Variants in SAMD3 observed in about 807,000 individuals in gnomAD.
SAMD3 encodes sterile alpha motif domain containing 3, also known as sterile alpha motif domain-containing protein 3.
Under a neutral mutation model 58.5 loss-of-function variants are expected in SAMD3, and 63 were observed. The observed-to-expected ratio is 1.08, with a 90% CI of 0.88 to 1.33. The LOEUF is 1.33. SAMD3 is among the 40% of genes most tolerant of loss of function. The probability of loss-of-function intolerance (pLI) is 0.00; values close to 1 mark genes in which losing one functional copy is unlikely to be tolerated. For synonymous variants in SAMD3, 220 were observed against 210.3 expected (o/e 1.05, Z -0.40); for missense variants, 604 against 608.4 (o/e 0.99, Z 0.08).
chr6:130,213,657 GA>G (rs919589167), intron 4 of SAMD3, among the ~76,000 whole-genome samples: 2 of 152,080 alleles, frequency 1.3e-5, no homozygotes, highest in Non-Finnish European at 2.9e-5. Flanking sequence ...TGTGTAAAAT[GA>G]AATTTTTAAT....
intron 2 of SAMD3, among the ~76,000 whole-genome samples, chr6:130,245,845 A>T (rs1562478544): frequency 6.6e-6 from 1 of 151,596 alleles, no homozygotes; most frequent in African/African-American, 2.4e-5. Flanking sequence ...GTACTGCAAC[A>T]TTTTTTTTTC....
chr6:130,236,681 C>T (rs192788577), intron 2 of SAMD3, among the ~76,000 whole-genome samples: 135 of 152,286 alleles, frequency 8.9e-4, no homozygotes, highest in African/African-American at 3.2e-3. Flanking sequence ...TGCACCAGGC[C>T]ATGATTGACT....
intron 2 of SAMD3, among the ~76,000 whole-genome samples, chr6:130,292,496 G>T (rs1293595405): frequency 6.6e-6 from 1 of 151,434 alleles, no homozygotes; most frequent in Non-Finnish European, 1.5e-5. Context: ...CCTGTTGGCC[G>T]GGCTGGTCTC....
chr6:130,226,035 CTATCCA>C (rs1796373944), upstream of SAMD3, among the ~76,000 whole-genome samples: 9 of 152,330 alleles, frequency 5.9e-5, 1 homozygote, highest in African/African-American at 2.2e-4. Flanking sequence ...GTACAGTCTT[CTATCCA>C]CTGTTGCAGA....
upstream of SAMD3, among the ~76,000 whole-genome samples, chr6:130,223,623 G>A (rs1796299419): frequency 6.6e-6 from 1 of 152,320 alleles, no homozygotes; most frequent in African/African-American, 2.4e-5. Context: ...GGGATGCAAG[G>A]TAGTGGATCT....
At position 130,175,175 on chromosome 6, in the gene SAMD3, T is replaced by G. The variant is rs577491239; in HGVS notation, c.822+666A>C. ...TAGTTCAGACATCCTTGTTAAAGAG[T>G]TCAATCTACTTTGATAGCAGGGGAA... On this transcript the variant is annotated intron_variant, in intron 8 of 11. Transcript: ENST00000439090. Among the ~76,000 whole-genome samples, 8 of 152,228 alleles carry G rather than the reference T, an allele frequency of 5.3e-5. No individual in the cohort carries two copies. The South Asian group carries it at 1.7e-3, about 32-fold the overall frequency.
At chr6:130,189,930 T>G (rs927500916) in intron 5 of SAMD3, among the ~76,000 whole-genome samples, 13 of 152,340 alleles carry the variant, frequency 8.5e-5, no homozygotes, top group African/African-American at 3.1e-4. Context: ...AAGGCAGGCC[T>G]CATGCTGTGC....
intron 7 of SAMD3, among the ~76,000 whole-genome samples, chr6:130,177,236 T>A (rs1180204641): frequency 2.0e-5 from 3 of 152,128 alleles, no homozygotes; most frequent in African/African-American, 7.2e-5. Context: ...TTCGGGAGAT[T>A]GGAATGGAGC....
At chr6:130,244,399 G>A (rs138426551) in intron 2 of SAMD3, among the ~76,000 whole-genome samples, 84 of 152,130 alleles carry the variant, frequency 5.5e-4, no homozygotes, top group African/African-American at 1.8e-3. Context: ...TGCAATCTCC[G>A]GTAAAGTACT....
In SAMD3 at chr6:130,308,129, G is replaced by A. The variant is rs9375712; in HGVS notation, c.-188+4849C>T. ...TCTCTGAACAAACAAGCTTTTGTTT[G>A]ACCTTTACTTTATTTGTTTGGGTTT... is the stretch of plus-strand genomic sequence containing the variant. On this transcript the variant is annotated intron_variant, in intron 2 of 13. Coordinates refer to the SAMD3 transcript ENST00000368134. Among the ~76,000 whole-genome samples, 6 of 152,150 alleles carry A rather than the reference G, an allele frequency of 3.9e-5. No individual in the cohort carries two copies. In the East Asian group the frequency reaches 1.2e-3, roughly 29 times the overall value.
rs528270255 is a variant in SAMD3 at position 130,281,302 on chromosome 6, G to C, written c.-188+31676C>G. On this transcript the variant is annotated intron_variant, in intron 2 of 13. Coordinates refer to the SAMD3 transcript ENST00000368134. ...CTTCAAACTGTTAGAGAAATGAAAA[G>C]TCTCTTGCTTACTGATTTTATAGTA... Among the ~76,000 whole-genome samples the C allele has an allele frequency of 1.9e-3, 285 of 152,312 alleles. 1 individual carries two copies. Among genetic ancestry groups the C allele is most frequent in the Middle Eastern group, 0.01 (3 of 294 alleles).
chr6:130,152,537 C>T (rs1276680892), intron 9 of SAMD3, among the ~76,000 whole-genome samples: 5 of 152,012 alleles, frequency 3.3e-5, no homozygotes, highest in South Asian at 2.1e-4. Context: ...ATTAGCCAGG[C>T]GTGGTGGCGT....
At chr6:130,284,621 T>C (rs944420993) in intron 2 of SAMD3, among the ~76,000 whole-genome samples, 1 of 152,166 alleles carries the variant, frequency 6.6e-6, no homozygotes, top group Non-Finnish European at 1.5e-5. Context: ...AAATTGTCTT[T>C]ATAAGGGAAC....
At chr6:130,340,885 A>G (rs57760731) in intron 1 of SAMD3, among the ~76,000 whole-genome samples, 2 of 152,088 alleles carry the variant, frequency 1.3e-5, no homozygotes, top group Non-Finnish European at 2.9e-5. Flanking sequence ...TTTCTTAAAC[A>G]TTTTTGTTTA....
intron 4 of SAMD3, 58 bp from the exon 5 acceptor site, chr6:130,209,666 A>C: frequency 5.7e-5 from 64 of 1,130,962 alleles, no homozygotes; most frequent in Non-Finnish European, 8.6e-5. Context: ...CATTGATCTC[A>C]CAGCAGCTCT....
chr6:130,247,450 G>C (rs1773587830), intron 2 of SAMD3, among the ~76,000 whole-genome samples: 1 of 149,054 alleles, frequency 6.7e-6, no homozygotes, highest in East Asian at 1.9e-4. Flanking sequence ...CTGGAGGACA[G>C]AGTGAGACTC....
rs1264692644 is a variant in SAMD3 at position 130,147,607 on chromosome 6, G to A, written c.1024-1426C>T. ...TTTCTGATCCAGTTGAAAATGAGCT[G>A]TAGATACAATGCCCCACTATTCCTT... is the stretch of plus-strand genomic sequence containing the variant. On this transcript the variant is annotated intron_variant, in intron 9 of 11. Coordinates refer to ENST00000439090, the MANE Select transcript of SAMD3 (RefSeq NM_001017373.4). 3.5e-4 allele frequency among the ~76,000 whole-genome samples: 50 copies of A among 141,250 alleles called. No individual in the cohort carries two copies. In the Admixed American group the frequency reaches 3.6e-3, roughly 10 times the overall value. The allele number at this position is 141,250 out of a possible 152,430, so 92.7% of individuals were successfully genotyped here.
intron 8 of SAMD3, among the ~76,000 whole-genome samples, chr6:130,158,369 G>A (rs1301685211): frequency 1.3e-5 from 2 of 152,090 alleles, no homozygotes; most frequent in African/African-American, 4.8e-5. Context: ...TTTACTAGCG[G>A]AAAACAGCAG....
intron 1 of SAMD3, among the ~76,000 whole-genome samples, chr6:130,338,120 C>G (rs777307309): frequency 5.3e-5 from 8 of 152,192 alleles, no homozygotes; most frequent in African/African-American, 1.9e-4. Context: ...AGCCTGGGGA[C>G]TTGGTGCCCT....
Sources: gnomAD v4.1 joint callset for allele counts (sites outside exome capture counted in the v4.1 genomes callset) on GRCh38, gnomAD v4.1.1 for gene constraint, MANE v1.5 for transcripts, NCBI Gene and HGNC (gene_info 2026-07-23, HGNC 2026-07-21) for gene names.